The following CCDC66 variants were observed in gnomAD, a reference collection of about 807,000 sequenced individuals.
CCDC66 encodes coiled-coil domain-containing protein 66.
In CCDC66, 133 loss-of-function variants were observed where a neutral mutation model predicts 128.3. The ratio of observed to expected loss-of-function variants is 1.04; its 90% CI spans 0.90 to 1.20. The LOEUF (loss-of-function observed/expected upper bound fraction) is 1.20. Among genes scored for constraint, CCDC66 ranks in the 50% most tolerant of loss-of-function variants. The pLI is 0.00. For missense variants in CCDC66, 1,126 were observed against 1,075.5 expected (o/e 1.05, Z -0.66); for synonymous variants, 387 against 357.0 (o/e 1.08, Z -0.95).
intron 1 of CCDC66, chr3:56,557,876 T>C (rs17825523): frequency 0.05 from 7,692 of 152,518 alleles, 274 homozygotes; most frequent in South Asian, 0.16. Context: ...GCAAATGTTA[T>C]TATGTTTTAG....
At position 56,621,531 on chromosome 3, in the gene CCDC66, G is replaced by C; in HGVS notation, c.2761-1G>C. On this transcript the variant is annotated splice_acceptor_variant, in intron 17 of 17. Coordinates refer to ENST00000394672, the MANE Select transcript of CCDC66 (RefSeq NM_001141947.3). LOFTEE classifies it high-confidence loss of function. ...ACAAACATATATCAATGTGATTTCA[G>C]GGCCTTCTCCAGAAGCAAAAGGAGT... 1 of 1,581,384 alleles carries C rather than the reference G, an allele frequency of 6.3e-7. No homozygotes were observed.
intron 7 of CCDC66, among the ~76,000 whole-genome samples, chr3:56,575,699 T>G (rs1407598768): frequency 6.6e-6 from 1 of 151,908 alleles, no homozygotes; most frequent in Non-Finnish European, 1.5e-5. Context: ...TCTAAGAGTT[T>G]TCTAGTTCTA....
intron 7 of CCDC66, among the ~76,000 whole-genome samples, chr3:56,584,190 G>C (rs1423965735): frequency 6.7e-6 from 1 of 149,860 alleles, no homozygotes; most frequent in African/African-American, 2.4e-5. Flanking sequence ...CGGCTGCCGG[G>C]CGGAGACGCT....
intron 2 of CCDC66, among the ~76,000 whole-genome samples, chr3:56,559,333 C>T (rs986420177): frequency 2.0e-5 from 3 of 151,736 alleles, no homozygotes; most frequent in African/African-American, 7.3e-5. Context: ...CCTTCTCCTT[C>T]GCATTTTTTT....
intron 4 of CCDC66, among the ~76,000 whole-genome samples, chr3:56,564,532 T>C (rs549703982): frequency 6.6e-6 from 1 of 152,318 alleles, no homozygotes. Context: ...CTGAAAAACA[T>C]TGCTTTCCTG....
At chr3:56,557,583 C>A in intron 1 of CCDC66, 1 of 362,168 alleles carries the variant, frequency 2.8e-6, no homozygotes, top group Non-Finnish European at 5.0e-6. Context: ...GGAAGCGTGG[C>A]GGCTCCTGGG....
intron 10 of CCDC66, among the ~76,000 whole-genome samples, chr3:56,596,724 TG>T: frequency 6.6e-6 from 1 of 151,680 alleles, no homozygotes; most frequent in East Asian, 1.9e-4. Context: ...TTTACATTTT[TG>T]GGTCATACAT....
At position 56,621,666 on chromosome 3, in the gene CCDC66, T is replaced by C. The variant is rs771863521; in HGVS notation, c.*48T>C. The C allele has an allele frequency of 8.5e-6, 11 of 1,297,808 alleles. No individual in the cohort carries two copies. In the African/African-American group the frequency reaches 1.5e-4, roughly 17 times the overall value. The allele number at this position is 1,297,808 out of a possible 1,614,324, so 80.4% of individuals were successfully genotyped here. A position where few individuals can be genotyped will look rare whatever the true frequency, so the allele number is the denominator to read the frequency against. Reference sequence around the variant, plus strand: ...CATTTGATTTGTGTCTTCCAAATTATAAAATGTGCTCACTGGCTCAACTGT... The same window carrying C: ...CATTTGATTTGTGTCTTCCAAATTACAAAATGTGCTCACTGGCTCAACTGT... On this transcript the variant is annotated 3_prime_UTR_variant, in exon 18 of 18. Coordinates refer to ENST00000394672, the MANE Select transcript of CCDC66 (RefSeq NM_001141947.3).
At chr3:56,569,029 GA>G (rs2066266503) in intron 6 of CCDC66, among the ~76,000 whole-genome samples, 1 of 152,208 alleles carries the variant, frequency 6.6e-6, no homozygotes, top group East Asian at 1.9e-4. Flanking sequence ...ACTTGGCTGG[GA>G]TAGATGATTT....
intron 10 of CCDC66, among the ~76,000 whole-genome samples, chr3:56,612,637 G>C (rs952546652): frequency 6.6e-6 from 1 of 152,202 alleles, no homozygotes; most frequent in Non-Finnish European, 1.5e-5. Flanking sequence ...AGCAGCCAGT[G>C]GTGGTGTTGG....
At chr3:56,618,551 T>G (rs1291736804) in intron 15 of CCDC66, 2 of 238,410 alleles carry the variant, frequency 8.4e-6, no homozygotes, top group African/African-American at 4.5e-5. Context: ...AAGAAATGAC[T>G]GATAAGGACA....
chr3:56,599,062 G>A (rs1302834321), intron 10 of CCDC66, among the ~76,000 whole-genome samples: 1 of 151,854 alleles, frequency 6.6e-6, no homozygotes, highest in African/African-American at 2.4e-5. Context: ...TTCCTTTGTT[G>A]GGAGACTTTT....
At chr3:56,561,078 G>A in intron 3 of CCDC66, 1 of 423,770 alleles carries the variant, frequency 2.4e-6, no homozygotes, top group Non-Finnish European at 4.7e-6. Flanking sequence ...CTATCATATA[G>A]TTATATACCA....
Position 56,557,254 on chromosome 3 carries a change from G to C in CCDC66, c.11+1G>C, listed in dbSNP as rs948189093. ...TGCGAGGTCAGGCCATGAACTTGGG[G>C]TAAGCAGGGGTAAGCTGGGGTAAGC... On this transcript the variant is annotated splice_donor_variant, in intron 1 of 17. Coordinates refer to ENST00000394672, the MANE Select transcript of CCDC66 (RefSeq NM_001141947.3). LOFTEE classifies it high-confidence loss of function. 1 of 1,548,808 alleles carries C rather than the reference G, an allele frequency of 6.5e-7. No homozygotes were observed. Among genetic ancestry groups the C allele is most frequent in the African/African-American group, 1.4e-5 (1 of 72,830 alleles).
At chr3:56,604,690 CTT>C (rs2107194948) in intron 10 of CCDC66, among the ~76,000 whole-genome samples, 1 of 151,970 alleles carries the variant, frequency 6.6e-6, no homozygotes, top group South Asian at 2.1e-4. Flanking sequence ...GTAACCCGAC[CTT>C]TCTCTCTGGC....
chr3:56,564,021 G>A lies in CCDC66; in HGVS notation c.440G>A (p.Ser147Asn), dbSNP rs1456291903. 3 of 1,613,852 alleles carry A rather than the reference G, an allele frequency of 1.9e-6. No homozygotes were observed. Among genetic ancestry groups the A allele is most frequent in the African/African-American group, 1.3e-5 (1 of 74,930 alleles). ...CACATCACAGCTGAAAACATGAAGA[G>A]CAGTTTGGTGTGTCTAACACAAGAC... ...KKHITAENMK[S>N]SLVCLTQDQL... is the part of the protein sequence containing the mutation. The change falls in exon 4 of 18, where the codon AGC (serine) becomes AAC (asparagine). Residue 147 changes from serine (S) to asparagine (N), a missense_variant. Physicochemically the swap from Ser to Asn is conservative, Grantham distance 46. Transcript: ENST00000394672.
At chr3:56,581,633 A>G (rs2106679819) in intron 7 of CCDC66, among the ~76,000 whole-genome samples, 1 of 151,952 alleles carries the variant, frequency 6.6e-6, no homozygotes, top group South Asian at 2.1e-4. Flanking sequence ...TCCTTCTAAC[A>G]GTCAGGACCC....
rs768668669 is a variant in CCDC66 at position 56,593,054 on chromosome 3, G to C, written c.1021G>C (p.Glu341Gln). The C allele has an allele frequency of 1.2e-6, 2 of 1,608,266 alleles. No homozygotes were observed. The highest frequency in any genetic ancestry group is 1.7e-6 in the Non-Finnish European group (2 of 1,176,862). Reference sequence around the variant, plus strand: ...GATTGAAGAGTTGAATAAGCAAATAGAAGATGACCGTCAAAGAAAAATAGA... The same window carrying C: ...GATTGAAGAGTTGAATAAGCAAATACAAGATGACCGTCAAAGAAAAATAGA... ...KWIEELNKQI[E>Q]DDRQRKIEEK... Residue 341 changes from glutamate to glutamine, a missense_variant, in exon 8 of 18, where the codon GAA (glutamate) becomes CAA (glutamine). Physicochemically the swap from Glu to Gln is conservative, Grantham distance 29. Coordinates refer to ENST00000394672, the MANE Select transcript of CCDC66 (RefSeq NM_001141947.3).
intron 10 of CCDC66, among the ~76,000 whole-genome samples, chr3:56,601,631 T>A (rs943122197): frequency 6.6e-6 from 1 of 152,080 alleles, no homozygotes; most frequent in Admixed American, 6.5e-5. Context: ...CATTTGTTTG[T>A]GTCCTCTTTT....
Sources: allele counts gnomAD v4.1 joint callset (sites outside exome capture counted in the v4.1 genomes callset), GRCh38; gene constraint gnomAD v4.1.1; transcripts MANE v1.5; gene names NCBI Gene and HGNC (gene_info 2026-07-23, HGNC 2026-07-21).